The following ASCC3 variants were observed in gnomAD, a reference collection of about 807,000 sequenced individuals.
ASCC3 encodes ASC-1 complex subunit P200.
A neutral mutation model predicts 256.3 loss-of-function variants in ASCC3; 158 were observed. The ratio of observed to expected loss-of-function variants is 0.62; its 90% CI spans 0.54 to 0.70. The LOEUF (loss-of-function observed/expected upper bound fraction) is 0.70. ASCC3 is among the 30% of genes least tolerant of loss of function. The probability of loss-of-function intolerance (pLI) is 0.00; values close to 1 mark genes in which losing one functional copy is unlikely to be tolerated. For missense variants in ASCC3, 2,259 were observed against 2,626.0 expected, an observed-to-expected ratio of 0.86 and a Z score of 3.05; for synonymous variants, 948 against 883.4, an observed-to-expected ratio of 1.07 and a Z score of -1.30.
chr6:100,713,294 A>G (rs1778939099), intron 13 of ASCC3, among the ~76,000 whole-genome samples: 1 of 152,152 alleles, frequency 6.6e-6, no homozygotes. Flanking sequence ...TAGAATACCT[A>G]TCACTAAGTG....
At position 100,512,741 on chromosome 6, in the gene ASCC3, T is replaced by C; in HGVS notation, c.6253A>G (p.Ser2085Gly). ...HADQEYVLQV[S>G]LQRVHFGFHK... ...AACCCAAAGTGGACTCTCTGCAAGC[T>C]CACTTGAAGCACATACTCTTGGTCA... The change falls in exon 40 of 42, where the codon AGC becomes GGC. Residue 2085 changes from serine (S) to glycine (G), a missense_variant. Physicochemically the swap from Ser to Gly is moderately conservative, Grantham distance 56 (BLOSUM62 0). Around this residue, in one of 2 missense-constraint regions of ASCC3, gnomAD observed 1,839 missense variants for 2,206.7 expected, o/e 0.83. Transcript: ENST00000369162. 1 of 1,614,080 alleles carries C rather than the reference T, an allele frequency of 6.2e-7. No homozygotes were observed. Among genetic ancestry groups the C allele is most frequent in the East Asian group, 2.2e-5 (1 of 44,864 alleles).
At chr6:100,541,046 C>G (rs1441564327) in intron 36 of ASCC3, among the ~76,000 whole-genome samples, 2 of 152,066 alleles carry the variant, frequency 1.3e-5, no homozygotes, top group Non-Finnish European at 2.9e-5. Context: ...TCCATGATAT[C>G]AGTCAATAAG....
Position 100,799,064 on chromosome 6 carries a change from C to T in ASCC3, c.1270-226G>A, listed in dbSNP as rs371211349. Among the ~76,000 whole-genome samples, 94 of 152,046 alleles carry T rather than the reference C, an allele frequency of 6.2e-4. 3 individuals are homozygous for T. In the South Asian group the frequency reaches 0.014, roughly 23 times the overall value. ...TCAGGTATTTTATATAACACACAGG[C>T]CACAGTATGTTGACAAATCTTAAAG... On this transcript the variant is annotated intron_variant, in intron 7 of 41. Transcript: ENST00000369162.
At chr6:100,685,570 T>TC (rs895417474) in intron 13 of ASCC3, among the ~76,000 whole-genome samples, 1 of 152,208 alleles carries the variant, frequency 6.6e-6, no homozygotes, top group African/African-American at 2.4e-5. Context: ...GAATCCTGTA[T>TC]TAAGGCATCC....
At chr6:100,737,137 A>C in intron 10 of ASCC3, among the ~76,000 whole-genome samples, 1 of 107,746 alleles carries the variant, frequency 9.3e-6, no homozygotes, top group African/African-American at 3.5e-5. Flanking sequence ...ACAGAGTGAG[A>C]CTCCGTCTAT....
At chr6:100,608,971 C>T (rs1282851146) in intron 30 of ASCC3, among the ~76,000 whole-genome samples, 2 of 149,428 alleles carry the variant, frequency 1.3e-5, no homozygotes, top group African/African-American at 4.9e-5. Context: ...CCCGTGTTAG[C>T]CAGGATGGTC....
At chr6:100,571,095 T>A (rs1340343963) in intron 36 of ASCC3, among the ~76,000 whole-genome samples, 2 of 151,994 alleles carry the variant, frequency 1.3e-5, no homozygotes, top group Non-Finnish European at 2.9e-5. Context: ...AAATCAACAC[T>A]CCTTACTATG....
chr6:100,834,770 G>A (rs1419146412), intron 4 of ASCC3, among the ~76,000 whole-genome samples: 2 of 152,062 alleles, frequency 1.3e-5, no homozygotes, highest in Admixed American at 6.6e-5. Flanking sequence ...CTTAGCAATA[G>A]AAAGTCTGAA....
intron 4 of ASCC3, among the ~76,000 whole-genome samples, chr6:100,807,897 T>C (rs1770268333): frequency 6.6e-6 from 1 of 151,890 alleles, no homozygotes; most frequent in Non-Finnish European, 1.5e-5. Context: ...AAATTGCTAG[T>C]GAAGAGGCTT....
chr6:100,644,293 A>C (rs952152170), intron 22 of ASCC3, among the ~76,000 whole-genome samples, 164 bp from the exon 23 acceptor site: 39 of 152,166 alleles, frequency 2.6e-4, no homozygotes, highest in Non-Finnish European at 1.8e-4. Flanking sequence ...ATATATTTCC[A>C]AAGTTGTACA....
In ASCC3 at chr6:100,652,825, T is replaced by G; in HGVS notation, c.2888A>C (p.Lys963Thr). The G allele has an allele frequency of 1.9e-6, 3 of 1,613,948 alleles. No homozygotes were observed. Among genetic ancestry groups the G allele is most frequent in the Non-Finnish European group, 2.5e-6 (3 of 1,179,922 alleles). Residue 963 changes from lysine to threonine, a missense_variant, in exon 18 of 42, where the codon AAA becomes ACA. Transcript: ENST00000369162. ...CTCCTCAAAACGAATCATCTGAGCT[T>G]TGTCTAGTTTTCGTCCAACTTCAAT... ...LVIEVGRKLD[K>T]AQMIRFEERT... is the part of the protein sequence containing the mutation.
intron 8 of ASCC3, among the ~76,000 whole-genome samples, chr6:100,775,341 G>A (rs1204384584): frequency 6.6e-6 from 1 of 151,928 alleles, no homozygotes; most frequent in Non-Finnish European, 1.5e-5. Flanking sequence ...AAATTATCAA[G>A]ACTCCTCTGG....
chr6:100,639,721 A>C (rs1343067180), intron 24 of ASCC3, among the ~76,000 whole-genome samples: 1 of 152,238 alleles, frequency 6.6e-6, no homozygotes, highest in South Asian at 2.1e-4. Context: ...TTAAAAAATT[A>C]TCCTTTCCCC....
chr6:100,813,210 C>A (rs1770567007), intron 4 of ASCC3, among the ~76,000 whole-genome samples: 1 of 152,116 alleles, frequency 6.6e-6, no homozygotes, highest in Non-Finnish European at 1.5e-5. Flanking sequence ...AATCCCAGCA[C>A]TTTGGGAGGC....
chr6:100,664,669 C>T (rs115064894), intron 14 of ASCC3, among the ~76,000 whole-genome samples: 2,287 of 152,152 alleles, frequency 0.015, 54 homozygotes, highest in African/African-American at 0.052. Context: ...ATCTCATTGC[C>T]TCAGCTTTCA....
intron 10 of ASCC3, among the ~76,000 whole-genome samples, chr6:100,733,134 T>C (rs1410581718): frequency 6.6e-6 from 1 of 152,176 alleles, no homozygotes; most frequent in Non-Finnish European, 1.5e-5. Context: ...TTTGACACTA[T>C]ATTGAGAAAG....
intron 24 of ASCC3, among the ~76,000 whole-genome samples, chr6:100,640,526 GA>G (rs1425758425): frequency 6.6e-6 from 1 of 152,178 alleles, no homozygotes; most frequent in Non-Finnish European, 1.5e-5. Flanking sequence ...CATTGAAATA[GA>G]ATGTTAACGC....
At chr6:100,643,160 A>T (rs1442484265) in intron 23 of ASCC3, among the ~76,000 whole-genome samples, 1 of 152,102 alleles carries the variant, frequency 6.6e-6, no homozygotes, top group African/African-American at 2.4e-5. Flanking sequence ...TACAAATAGA[A>T]GGTAACCAAG....
At chr6:100,617,161 T>G (rs771304231) in intron 30 of ASCC3, among the ~76,000 whole-genome samples, 2 of 152,066 alleles carry the variant, frequency 1.3e-5, no homozygotes, top group Non-Finnish European at 2.9e-5. Context: ...CATGCCACCA[T>G]GCTCAGCTAA....
Sources: allele counts gnomAD v4.1 joint callset (sites outside exome capture counted in the v4.1 genomes callset), GRCh38; gene constraint gnomAD v4.1.1; regional missense constraint gnomAD v4.1.1; transcripts MANE v1.5; gene names NCBI Gene and HGNC (gene_info 2026-07-23, HGNC 2026-07-21).